Variants in CD24 observed in about 807,000 individuals in gnomAD.
The protein encoded by CD24 is signal transducer CD24.
Under a neutral mutation model 3.6 loss-of-function variants are expected in CD24, and 2 were observed. That is an observed-to-expected ratio of 0.56 (90% CI 0.23 to 1.77). The LOEUF (loss-of-function observed/expected upper bound fraction) is 1.77. CD24 is among the 40% of genes most tolerant of loss of function. CD24 has a pLI of 0.18. For missense variants in CD24, 62 were observed against 93.6 expected, an observed-to-expected ratio of 0.66 and a Z score of 1.39; for synonymous variants, 33 against 44.9, an observed-to-expected ratio of 0.74 and a Z score of 1.06.
chr6:106,972,277 G>A (rs1391160860), intron 1 of CD24, among the ~76,000 whole-genome samples: 1 of 152,174 alleles, frequency 6.6e-6, no homozygotes, highest in East Asian at 1.9e-4. Flanking sequence ...AATTCATTGG[G>A]TCACTGTCTA....
chr6:106,971,866 T>C (rs1772980727), intron 1 of CD24, 32 bp from the exon 2 acceptor site: 1 of 1,412,646 alleles, frequency 7.1e-7, no homozygotes, highest in Non-Finnish European at 9.8e-7. Flanking sequence ...ATGGATACAT[T>C]TCCACATCAC....
Position 106,970,673 on chromosome 6 carries a change from A to G in CD24, c.*988T>C, listed in dbSNP as rs1582555002. ...CTAAAATTACAAAAATTAGCCGGGC[A>G]TGGTGGCAGGTGCCTGTAATCCCAG... is the stretch of plus-strand genomic sequence containing the variant. On this transcript the variant is annotated 3_prime_UTR_variant, in exon 2 of 2. Coordinates refer to ENST00000606017, the MANE Select transcript of CD24 (RefSeq NM_001359084.1). The G allele has an allele frequency of 6.6e-6, 1 of 152,054 alleles. No individual in the cohort carries two copies. Among genetic ancestry groups the G allele is most frequent in the Admixed American group, 6.6e-5 (1 of 15,256 alleles). 9.4% of individuals were successfully genotyped at this position (152,054 alleles called of 1,614,324 possible).
intron 1 of CD24, among the ~76,000 whole-genome samples, chr6:106,973,144 T>C (rs1773013638): frequency 6.6e-6 from 1 of 152,230 alleles, no homozygotes. Context: ...TCTTTATTCA[T>C]GCAATGAGTT....
upstream of CD24, among the ~76,000 whole-genome samples, chr6:106,976,592 C>A (rs1773110925): frequency 6.6e-6 from 1 of 152,098 alleles, no homozygotes; most frequent in Non-Finnish European, 1.5e-5. Flanking sequence ...ACCTATAATC[C>A]CAGCACTTTA....
upstream of CD24, among the ~76,000 whole-genome samples, chr6:106,975,828 ACTTTTTCGGTCT>A (rs1773100264): frequency 6.6e-6 from 1 of 152,142 alleles, no homozygotes; most frequent in African/African-American, 2.4e-5. Flanking sequence ...CTGGGGATAC[ACTTTTTCGGTCT>A]CTGTTGCCCG....
chr6:106,974,387 G>T (rs1012621284), intron 1 of CD24, among the ~76,000 whole-genome samples, 191 bp downstream of exon 1: 1 of 152,188 alleles, frequency 6.6e-6, no homozygotes, highest in East Asian at 1.9e-4. Flanking sequence ...GAGGAGGGGG[G>T]GCAGCACGCA....
rs1045493799 is a variant in CD24 at position 106,974,582 on chromosome 6, G to A, written c.65C>T (p.Thr22Met). ...CGCCGGGCGCCAGGGCCTCACCTGC[G>A]TGGGTAGGAGCAGTGCCAGCAGCAG... ...GLLLLALLLP[T>M]QIYSSETTTG... Residue 22 changes from threonine to methionine, a missense_variant, in exon 1 of 2, where the codon ACG (threonine) becomes ATG (methionine). By Grantham distance (81) the Thr-to-Met change is moderately conservative (BLOSUM62 -1). Transcript: ENST00000606017. The A allele has an allele frequency of 1.4e-6, 2 of 1,446,306 alleles. No individual in the cohort carries two copies. Among genetic ancestry groups the A allele is most frequent in the Admixed American group, 3.4e-5 (1 of 29,256 alleles). 89.6% of individuals were successfully genotyped at this position (1,446,306 alleles called of 1,614,324 possible).
upstream of CD24, among the ~76,000 whole-genome samples, chr6:106,976,123 TTAAAG>T (rs1285529653): frequency 6.6e-6 from 1 of 152,244 alleles, no homozygotes; most frequent in Non-Finnish European, 1.5e-5. Flanking sequence ...TTTTCAGTCT[TTAAAG>T]CAAACAGCAG....
chr6:106,975,324 A>C (rs1216866555), upstream of CD24: 4 of 151,912 alleles, frequency 2.6e-5, no homozygotes, highest in African/African-American at 7.2e-5. Flanking sequence ...CGCAGAGGAA[A>C]GGGGAACGCG....
At chr6:106,973,869 C>T (rs1773036076) in intron 1 of CD24, 1 of 398,572 alleles carries the variant, frequency 2.5e-6, no homozygotes, top group Non-Finnish European at 4.4e-6. Flanking sequence ...GGACTCGGGA[C>T]AGAATCGTCC....
chr6:106,971,946 G>T (rs1772982310), intron 1 of CD24, 112 bp from the exon 2 acceptor site: 2 of 721,464 alleles, frequency 2.8e-6, no homozygotes, highest in African/African-American at 1.8e-5. Context: ...TCTTACCATT[G>T]TTCTCTTACC....
upstream of CD24, chr6:106,975,302 C>G (rs1159471812): frequency 6.6e-6 from 1 of 152,094 alleles, no homozygotes; most frequent in African/African-American, 2.4e-5. Context: ...GCAGGGTTAT[C>G]TCTCGGCCCG....
At position 106,971,628 on chromosome 6, in the gene CD24, G is replaced by A. The variant is rs1344593973; in HGVS notation, c.*33C>T. 9.5e-5 allele frequency: 147 copies of A among 1,540,386 alleles called. No individual in the cohort carries two copies. The African/African-American group carries it at 1.7e-3, about 18-fold the overall frequency. On this transcript the variant is annotated 3_prime_UTR_variant, in exon 2 of 2. Transcript: ENST00000606017. ...ATTTGGATTGGGTTTAGAAGATGGGGAAATTTAGAAGACGTTTCTTGGCCT... is the reference window on the plus strand; with the variant it reads ...ATTTGGATTGGGTTTAGAAGATGGGAAAATTTAGAAGACGTTTCTTGGCCT...
Position 106,970,846 on chromosome 6 carries a change from C to T in CD24, c.*815G>A, listed in dbSNP as rs1772954110. 1 of 152,192 alleles carries T rather than the reference C, an allele frequency of 6.6e-6. No individual in the cohort carries two copies. The allele number at this position is 152,192 out of a possible 1,614,324, so 9.4% of individuals were successfully genotyped here. On this transcript the variant is annotated 3_prime_UTR_variant, in exon 2 of 2. Transcript: ENST00000606017. ...TAATAAAAAGCATTTTGAAATTAGT[C>T]GTGGTCAATGCAATTCTACTCTTTG...
At chr6:106,972,168 C>T (rs1772988850) in intron 1 of CD24, among the ~76,000 whole-genome samples, 2 of 152,224 alleles carry the variant, frequency 1.3e-5, no homozygotes, top group South Asian at 4.1e-4. Context: ...GACTTAATGG[C>T]ATTGCAATAA....
chr6:106,976,348 C>G (rs1411150456), upstream of CD24, among the ~76,000 whole-genome samples: 1 of 152,176 alleles, frequency 6.6e-6, no homozygotes, highest in Non-Finnish European at 1.5e-5. Flanking sequence ...CTCATTAAAA[C>G]AAAGTAAGTT....
intron 1 of CD24, chr6:106,974,116 G>C (rs1305021028): frequency 2.5e-6 from 1 of 394,762 alleles, no homozygotes; most frequent in Admixed American, 4.4e-5. Flanking sequence ...CGCCCTCCCC[G>C]AAAGGGACCG....
intron 1 of CD24, 57 bp downstream of exon 1, chr6:106,974,521 T>TCCCCTG (rs1773056590): frequency 6.6e-6 from 7 of 1,064,796 alleles, no homozygotes; most frequent in African/African-American, 1.7e-5. Flanking sequence ...CGGGTCCATC[T>TCCCCTG]CCCCTGCCCC....
intron 1 of CD24, 63 bp downstream of exon 1, chr6:106,974,515 T>C (rs1773056351): frequency 2.1e-6 from 2 of 962,538 alleles, no homozygotes; most frequent in African/African-American, 3.5e-5. Flanking sequence ...CGGGACCGGG[T>C]CCATCTCCCC....
Sources: gnomAD v4.1 joint callset for allele counts (sites outside exome capture counted in the v4.1 genomes callset) on GRCh38, gnomAD v4.1.1 for gene constraint, MANE v1.5 for transcripts, NCBI Gene and HGNC (gene_info 2026-07-23, HGNC 2026-07-21) for gene names.